Variants in PHF21A observed in about 807,000 individuals in gnomAD.
PHF21A encodes the protein PHD finger protein 21A, also known as BHC80a.
A neutral mutation model predicts 82.5 loss-of-function variants in PHF21A; 11 were observed. The observed-to-expected ratio is 0.13, with a 90% CI of 0.08 to 0.22. The LOEUF is 0.22. Ranked by LOEUF, PHF21A falls within the 10% of genes least tolerant of loss-of-function variation. PHF21A has a pLI of 1.00. For synonymous variants in PHF21A, 297 were observed against 302.8 expected (o/e 0.98, Z 0.20); for missense variants, 579 against 837.8 (o/e 0.69, Z 3.81).
chr11:46,084,593 T>A (rs2096833417), intron 3 of PHF21A, among the ~76,000 whole-genome samples: 1 of 152,164 alleles, frequency 6.6e-6, no homozygotes, highest in African/African-American at 2.4e-5. Flanking sequence ...GATACAGAGC[T>A]GAGTAAGACC....
chr11:46,017,662 T>G (rs2095543837), intron 6 of PHF21A, among the ~76,000 whole-genome samples: 1 of 152,082 alleles, frequency 6.6e-6, no homozygotes, highest in South Asian at 2.1e-4. Flanking sequence ...ACTATAATAT[T>G]TTCTTCCAAA....
At chr11:46,076,629 C>A in intron 6 of PHF21A, 125 bp downstream of exon 6, 1 of 703,006 alleles carries the variant, frequency 1.4e-6, no homozygotes. Flanking sequence ...AAAATTAAAA[C>A]CAAGTCTGGC....
At chr11:46,049,690 G>A (rs570059505) in intron 6 of PHF21A, among the ~76,000 whole-genome samples, 8 of 152,322 alleles carry the variant, frequency 5.3e-5, no homozygotes, top group Middle Eastern at 3.4e-3. Flanking sequence ...AAGAGCAGCC[G>A]CTGTCCTACT....
At chr11:46,100,234 A>T (rs1348683512) in intron 1 of PHF21A, among the ~76,000 whole-genome samples, 2 of 152,182 alleles carry the variant, frequency 1.3e-5, no homozygotes, top group African/African-American at 4.8e-5. Flanking sequence ...GTTATGTTAC[A>T]GAAGACTGAA....
intron 6 of PHF21A, among the ~76,000 whole-genome samples, chr11:46,047,746 G>A (rs905465534): frequency 3.3e-5 from 5 of 152,218 alleles, no homozygotes; most frequent in Non-Finnish European, 4.4e-5. Flanking sequence ...CTTAAGAGAA[G>A]TCACTTTTTC....
At chr11:46,093,256 T>C (rs1321690338) in intron 1 of PHF21A, among the ~76,000 whole-genome samples, 1 of 152,258 alleles carries the variant, frequency 6.6e-6, no homozygotes, top group East Asian at 1.9e-4. Flanking sequence ...GCTCTAAAAC[T>C]ACATGTCTTC....
At chr11:45,963,823 G>A (rs2093266803) in intron 10 of PHF21A, among the ~76,000 whole-genome samples, 1 of 152,174 alleles carries the variant, frequency 6.6e-6, no homozygotes, top group South Asian at 2.1e-4. Flanking sequence ...TCCTAAGCTT[G>A]AGCATCTGAC....
intron 15 of PHF21A, among the ~76,000 whole-genome samples, chr11:45,940,018 T>C (rs1160316145): frequency 6.6e-6 from 1 of 151,754 alleles, no homozygotes; most frequent in Non-Finnish European, 1.5e-5. Context: ...GGAATGTGAA[T>C]CCTTCCTTTC....
intron 9 of PHF21A, among the ~76,000 whole-genome samples, chr11:45,967,523 A>G (rs935431488): frequency 1.3e-5 from 2 of 152,226 alleles, no homozygotes; most frequent in African/African-American, 4.8e-5. Context: ...TTTATAAGAT[A>G]CATTGGCTCC....
chr11:45,934,266 T>C, intron 18 of PHF21A, 41 bp from the exon 19 acceptor site: 1 of 1,588,224 alleles, frequency 6.3e-7, no homozygotes, highest in Non-Finnish European at 8.5e-7. Flanking sequence ...AGCCGCCTGG[T>C]TTCTAACAGG....
At chr11:46,027,410 T>G (rs2095769932) in intron 6 of PHF21A, among the ~76,000 whole-genome samples, 1 of 152,238 alleles carries the variant, frequency 6.6e-6, no homozygotes, top group African/African-American at 2.4e-5. Context: ...GTATTATAAT[T>G]CTGCACTCAA....
At chr11:45,976,452 G>A (rs1205078150) in intron 7 of PHF21A, among the ~76,000 whole-genome samples, 1 of 152,138 alleles carries the variant, frequency 6.6e-6, no homozygotes, top group Non-Finnish European at 1.5e-5. Flanking sequence ...TTTACAGAAT[G>A]AATAAAAATT....
chr11:45,946,865 A>G (rs1050427821), intron 14 of PHF21A, among the ~76,000 whole-genome samples: 1 of 152,156 alleles, frequency 6.6e-6, no homozygotes, highest in African/African-American at 2.4e-5. Context: ...ATTCAAGTTA[A>G]CTATTCTTAT....
At chr11:46,093,078 A>G (rs1216740534) in intron 1 of PHF21A, among the ~76,000 whole-genome samples, 1 of 152,192 alleles carries the variant, frequency 6.6e-6, no homozygotes, top group Non-Finnish European at 1.5e-5. Context: ...TTTAGATTGT[A>G]AACCACATAC....
intron 6 of PHF21A, among the ~76,000 whole-genome samples, chr11:46,060,302 A>G (rs117320749): frequency 3.9e-5 from 6 of 152,168 alleles, no homozygotes; most frequent in Non-Finnish European, 7.3e-5. Context: ...CCCAACCATG[A>G]ATTACTTTTA....
At chr11:46,040,461 A>ATTTTTAAAAAGTGGGGAGGGGTGACTT (rs2096109865) in intron 6 of PHF21A, among the ~76,000 whole-genome samples, 1 of 152,216 alleles carries the variant, frequency 6.6e-6, no homozygotes, top group Admixed American at 6.5e-5. Context: ...GAATAGTGAT[A>ATTTTTAAAAAGTGGGGAGGGGTGACTT]TTTAAAAAGT....
Position 46,079,155 on chromosome 11 carries a change from A to G in PHF21A, c.66T>C (p.Ala22=). 1 of 1,594,134 alleles carries G rather than the reference A, an allele frequency of 6.3e-7. No individual in the cohort carries two copies. Among genetic ancestry groups the G allele is most frequent in the Non-Finnish European group, 8.6e-7 (1 of 1,166,002 alleles). Residue 22 remains alanine, a synonymous_variant, in exon 5 of 19, where the codon GCT becomes GCC. Transcript: ENST00000676320. ...TTACCTGTGGATCCTGCTTCATTTG[A>G]GCAACCAGTTTCTGGTAATAAAGAG... is the stretch of plus-strand genomic sequence containing the variant. ...VEIQVHQKLV[A]QMKQDPQNAD...
At chr11:46,068,638 C>T (rs968126053) in intron 6 of PHF21A, among the ~76,000 whole-genome samples, 2 of 152,048 alleles carry the variant, frequency 1.3e-5, no homozygotes, top group Non-Finnish European at 2.9e-5. Flanking sequence ...GAAGCAACTG[C>T]TCTCAGCTAA....
intron 6 of PHF21A, among the ~76,000 whole-genome samples, chr11:46,024,808 G>A (rs1350015380): frequency 1.3e-5 from 2 of 151,880 alleles, no homozygotes; most frequent in East Asian, 1.9e-4. Flanking sequence ...TCAAAAAAAA[G>A]AAAGAAAGAA....
Sources: allele counts gnomAD v4.1 joint callset (sites outside exome capture counted in the v4.1 genomes callset), GRCh38; gene constraint gnomAD v4.1.1; transcripts MANE v1.5; gene names NCBI Gene and HGNC (gene_info 2026-07-23, HGNC 2026-07-21).